PYROXD1: variants seen among roughly 807,000 people sequenced by gnomAD.
The protein encoded by PYROXD1 is tRNA ligase complex-associated NAD(P)H dehydrogenase PYROXD1.
Under a neutral mutation model 62.0 loss-of-function variants are expected in PYROXD1, and 42 were observed. That is an observed-to-expected ratio of 0.68 (90% CI 0.53 to 0.88). The LOEUF is 0.88. Ranked by LOEUF, PYROXD1 falls within the 40% of genes least tolerant of loss-of-function variation. PYROXD1 has a pLI of 0.00. For synonymous variants in PYROXD1, 170 were observed against 206.4 expected (o/e 0.82, Z 1.51); for missense variants, 493 against 604.8 (o/e 0.82, Z 1.94).
intron 2 of PYROXD1, 130 bp downstream of exon 2, chr12:21,440,578 G>T: frequency 1.8e-6 from 1 of 552,144 alleles, no homozygotes; most frequent in South Asian, 2.8e-5. Context: ...TGTACAACAT[G>T]ATGTTTTGAT....
chr12:21,466,949 A>G (rs1319733802), intron 10 of PYROXD1, among the ~76,000 whole-genome samples: 1 of 152,188 alleles, frequency 6.6e-6, no homozygotes, highest in Admixed American at 6.5e-5. Flanking sequence ...AATACAATAG[A>G]TGAATTAATA....
rs761284828 is a variant in PYROXD1, at chr12:21,456,056, A to C, written c.711A>C (p.Pro237=). Residue 237 remains proline (P), a synonymous_variant, in exon 7 of 12, where the codon CCA becomes CCC. Transcript: ENST00000240651. ...KADNVGSALG[P]DWHEGLNLKG... ...ATAATGTAGGAAGTGCATTGGGACCAGATTGGCATGAAGGCTTGAATCTTA... is the reference window on the plus strand; with the variant it reads ...ATAATGTAGGAAGTGCATTGGGACCCGATTGGCATGAAGGCTTGAATCTTA... 21 of 1,611,512 alleles carry C rather than the reference A, an allele frequency of 1.3e-5. No individual in the cohort carries two copies. Among genetic ancestry groups the C allele is most frequent in the Admixed American group, 1.7e-5 (1 of 59,738 alleles).
chr12:21,456,119 T>G, intron 7 of PYROXD1, 24 bp downstream of exon 7: 1 of 1,365,678 alleles, frequency 7.3e-7, no homozygotes, highest in Non-Finnish European at 1.0e-6. Flanking sequence ...TACTAATTGG[T>G]CATGTCTAAA....
rs1942929703 is a variant in PYROXD1, at chr12:21,470,746, A to G, written c.*1992A>G. On this transcript the variant is annotated 3_prime_UTR_variant, in exon 12 of 12. Coordinates refer to ENST00000240651, the MANE Select transcript of PYROXD1 (RefSeq NM_024854.5). ...TATTCAAACGGAGTCCTCCCATTCCAAGAAACTGGAAACCCCTAGTTTATG... is the reference window on the plus strand; with the variant it reads ...TATTCAAACGGAGTCCTCCCATTCCGAGAAACTGGAAACCCCTAGTTTATG... 2.8e-6 allele frequency: 1 copy of G among 357,750 alleles called. No homozygotes were observed. Among genetic ancestry groups the G allele is most frequent in the Admixed American group, 4.5e-5 (1 of 22,248 alleles). 22.2% of individuals were successfully genotyped at this position (357,750 alleles called of 1,614,324 possible). A position where few individuals can be genotyped will look rare whatever the true frequency, so the allele number is the denominator to read the frequency against.
chr12:21,468,304 T>C (rs1036132300), intron 11 of PYROXD1, among the ~76,000 whole-genome samples: 1 of 152,098 alleles, frequency 6.6e-6, no homozygotes, highest in African/African-American at 2.4e-5. Flanking sequence ...TTAATGTCAG[T>C]GTAGAGTGTG....
chr12:21,455,466 A>T (rs1308368590), intron 6 of PYROXD1, among the ~76,000 whole-genome samples, 174 bp downstream of exon 6: 3 of 149,288 alleles, frequency 2.0e-5, no homozygotes, highest in Non-Finnish European at 3.0e-5. Flanking sequence ...TGTATTTTAT[A>T]TATATATATA....
intron 3 of PYROXD1, 103 bp from the exon 4 acceptor site, chr12:21,449,460 A>G (rs1942451354): frequency 1.8e-6 from 2 of 1,099,644 alleles, no homozygotes; most frequent in South Asian, 3.2e-5. Flanking sequence ...ACCTTAATAT[A>G]TTATGTTTTG....
At chr12:21,449,830 T>C (rs1014083095) in intron 4 of PYROXD1, 139 bp downstream of exon 4, 10 of 616,822 alleles carry the variant, frequency 1.6e-5, no homozygotes, top group Non-Finnish European at 2.5e-5. Flanking sequence ...CACAGAGTGG[T>C]TATGTTTTAT....
chr12:21,454,571 A>C (rs1236383224), intron 5 of PYROXD1, among the ~76,000 whole-genome samples: 1 of 152,014 alleles, frequency 6.6e-6, no homozygotes, highest in Non-Finnish European at 1.5e-5. Flanking sequence ...TGGCTTATAT[A>C]TACCATTTTC....
chr12:21,452,213 A>G, intron 5 of PYROXD1, 59 bp downstream of exon 5: 2 of 1,141,314 alleles, frequency 1.8e-6, no homozygotes, highest in Non-Finnish European at 2.4e-6. Context: ...ATTTGTTTTT[A>G]AATTAAACAA....
At chr12:21,450,561 C>T (rs1942476734) in intron 4 of PYROXD1, among the ~76,000 whole-genome samples, 3 of 152,298 alleles carry the variant, frequency 2.0e-5, no homozygotes, top group Admixed American at 6.5e-5. Context: ...TAATTTAATT[C>T]AGGGCTTATT....
At chr12:21,467,124 C>A (rs1942809622) in intron 10 of PYROXD1, among the ~76,000 whole-genome samples, 1 of 152,016 alleles carries the variant, frequency 6.6e-6, no homozygotes, top group South Asian at 2.1e-4. Context: ...ACAAATTCTT[C>A]AGTGATAATT....
chr12:21,470,706 C>T lies in PYROXD1; in HGVS notation c.*1952C>T. On this transcript the variant is annotated 3_prime_UTR_variant, in exon 12 of 12. Transcript: ENST00000240651. ...ATCACAACCAAATAAGAGCAGAGTG[C>T]ATAACAAAATTAGATATTCAAACGG... The T allele has an allele frequency of 3.1e-6, 1 of 319,156 alleles. No homozygotes were observed. Among genetic ancestry groups the T allele is most frequent in the Non-Finnish European group, 5.6e-6 (1 of 179,658 alleles). 19.8% of individuals were successfully genotyped at this position (319,156 alleles called of 1,614,324 possible). A position where few individuals can be genotyped will look rare whatever the true frequency, so the allele number is the denominator to read the frequency against.
Position 21,462,542 on chromosome 12 carries a change from C to T in PYROXD1, c.994-198C>T, listed in dbSNP as rs150751964. 1.5e-3 allele frequency among the ~76,000 whole-genome samples: 228 copies of T among 151,888 alleles called. 1 individual carries two copies. Among genetic ancestry groups the T allele is most frequent in the African/African-American group, 5.5e-3 (226 of 41,450 alleles). ...GATACTTTTCATGTTGAAATTCTGACAGTTTTATGGATCAGTCTTAGTTGG... is the reference window on the plus strand; with the variant it reads ...GATACTTTTCATGTTGAAATTCTGATAGTTTTATGGATCAGTCTTAGTTGG... On this transcript the variant is annotated intron_variant, in intron 9 of 11. Transcript: ENST00000240651.
At chr12:21,453,723 G>A (rs1262843241) in intron 5 of PYROXD1, among the ~76,000 whole-genome samples, 1 of 152,046 alleles carries the variant, frequency 6.6e-6, no homozygotes, top group Non-Finnish European at 1.5e-5. Context: ...CTAGGAGGTA[G>A]AGCAAGTACT....
rs746265986 is a variant in PYROXD1, at chr12:21,437,686, G to A, written c.-45G>A. On this transcript the variant is annotated 5_prime_UTR_variant, in exon 1 of 12. Transcript: ENST00000240651. ...TTCCTCTCCTGGAGTCCAGAGTCCC[G>A]TTGCTCCGCCGCGATATTCAGTAAA... 2.4e-5 allele frequency: 37 copies of A among 1,574,124 alleles called. No homozygotes were observed. In the South Asian group the frequency reaches 3.9e-4, roughly 17 times the overall value.
At chr12:21,456,176 A>G in intron 7 of PYROXD1, 81 bp downstream of exon 7, 3 of 888,392 alleles carry the variant, frequency 3.4e-6, no homozygotes, top group Non-Finnish European at 5.3e-6. Flanking sequence ...GGTAATAAAT[A>G]TATAGTCAAC....
intron 1 of PYROXD1, among the ~76,000 whole-genome samples, chr12:21,439,205 A>T (rs1942250621): frequency 1.3e-5 from 2 of 152,166 alleles, no homozygotes; most frequent in South Asian, 4.1e-4. Flanking sequence ...CAAGTAGTCA[A>T]ATGTTTTTGA....
At chr12:21,446,304 G>T (rs1378691829) in intron 3 of PYROXD1, among the ~76,000 whole-genome samples, 2 of 128,922 alleles carry the variant, frequency 1.6e-5, no homozygotes, top group African/African-American at 2.9e-5. Context: ...GCACCTGTTA[G>T]TCCCAGCTAC....
Sources: allele counts gnomAD v4.1 joint callset (sites outside exome capture counted in the v4.1 genomes callset), GRCh38; gene constraint gnomAD v4.1.1; transcripts MANE v1.5; gene names NCBI Gene and HGNC (gene_info 2026-07-23, HGNC 2026-07-21).